The following UNC13C variants were observed in gnomAD, a reference collection of about 807,000 sequenced individuals.
The protein encoded by UNC13C is unc-13 homolog C, also known as protein unc-13 homolog C.
UNC13C carries 174 observed loss-of-function variants against 245.4 expected under a neutral mutation model. The observed-to-expected ratio is 0.71, with a 90% CI of 0.63 to 0.80. UNC13C has a LOEUF of 0.80. UNC13C is among the 30% of genes least tolerant of loss of function. UNC13C has a pLI of 0.00. For synonymous variants in UNC13C, 992 were observed against 895.1 expected (o/e 1.11, Z -1.93); for missense variants, 2,829 against 2,602.9 (o/e 1.09, Z -1.89).
At chr15:54,038,962 T>C (rs1304986369) in intron 2 of UNC13C, among the ~76,000 whole-genome samples, 3 of 152,176 alleles carry the variant, frequency 2.0e-5, no homozygotes, top group Non-Finnish European at 2.9e-5. Context: ...GGTTGTACTA[T>C]CTTGGGCCAG....
intron 2 of UNC13C, among the ~76,000 whole-genome samples, chr15:54,096,054 G>A (rs1899844453): frequency 1.3e-5 from 2 of 152,292 alleles, no homozygotes; most frequent in South Asian, 4.1e-4. Context: ...AGGCAACAAT[G>A]GGGGCAATAC....
chr15:54,373,233 A>G (rs550035720), intron 17 of UNC13C, among the ~76,000 whole-genome samples: 1 of 152,272 alleles, frequency 6.6e-6, no homozygotes, highest in African/African-American at 2.4e-5. Flanking sequence ...AGCCAATATT[A>G]CCAGAAGCAA....
intron 2 of UNC13C, among the ~76,000 whole-genome samples, chr15:54,093,424 G>A (rs1899676595): frequency 1.3e-5 from 2 of 152,136 alleles, no homozygotes; most frequent in Non-Finnish European, 2.9e-5. Flanking sequence ...ATTGTCCTTT[G>A]CTTTTATGTA....
At position 54,015,165 on chromosome 15, in the gene UNC13C, C is replaced by G; in HGVS notation, c.2262C>G (p.Asn754Lys). The change falls in exon 2 of 33, where the codon AAC becomes AAG. Residue 754 changes from asparagine (N) to lysine (K), a missense_variant. Coordinates refer to ENST00000260323, the MANE Select transcript of UNC13C (RefSeq NM_001080534.3). ...ANSNELYQNQ[N>K]QLSMMYRSQS... The stretch of plus-strand genomic sequence containing the variant: ...CTAATGAGCTATACCAAAATCAAAA[C>G]CAGTTGTCCATGATGTATCGAAGTC... 2 of 1,612,514 alleles carry G rather than the reference C, an allele frequency of 1.2e-6. No homozygotes were observed. The highest frequency in any genetic ancestry group is 1.7e-6 in the Non-Finnish European group (2 of 1,179,298).
chr15:54,546,318 G>A (rs1394269927), intron 26 of UNC13C, among the ~76,000 whole-genome samples: 5 of 152,136 alleles, frequency 3.3e-5, no homozygotes, highest in African/African-American at 9.7e-5. Flanking sequence ...AGGGCCTGTC[G>A]CCGGGTGGAG....
intron 2 of UNC13C, among the ~76,000 whole-genome samples, chr15:54,116,154 T>A (rs1460106694): frequency 6.6e-6 from 1 of 152,092 alleles, no homozygotes; most frequent in East Asian, 1.9e-4. Context: ...TGAAACATAA[T>A]AGATGTACAT....
intron 19 of UNC13C, among the ~76,000 whole-genome samples, chr15:54,472,576 A>G (rs1892520473): frequency 6.6e-6 from 1 of 151,752 alleles, no homozygotes; most frequent in Non-Finnish European, 1.5e-5. Context: ...CCAGTGATAA[A>G]CTAGACCCGC....
intron 10 of UNC13C, among the ~76,000 whole-genome samples, chr15:54,273,676 T>C (rs2036752522): frequency 6.6e-6 from 1 of 152,174 alleles, no homozygotes; most frequent in African/African-American, 2.4e-5. Flanking sequence ...TAGTCACTCA[T>C]TTGTGGGTTG....
chr15:54,243,316 A>C (rs1379070159), intron 7 of UNC13C, among the ~76,000 whole-genome samples: 1 of 152,106 alleles, frequency 6.6e-6, no homozygotes, highest in East Asian at 1.9e-4. Flanking sequence ...ACATGATCTA[A>C]TTCCTTTTTT....
chr15:54,372,074 G>A (rs924758732), intron 17 of UNC13C, among the ~76,000 whole-genome samples: 1 of 152,050 alleles, frequency 6.6e-6, no homozygotes, highest in Non-Finnish European at 1.5e-5. Context: ...TTTAAAAATA[G>A]CTAAGAGAGT....
intron 7 of UNC13C, among the ~76,000 whole-genome samples, chr15:54,247,242 T>G (rs1298443795): frequency 2.0e-5 from 3 of 152,064 alleles, no homozygotes; most frequent in African/African-American, 7.2e-5. Context: ...AATTTTGGGG[T>G]TTCCCCTTAT....
intron 19 of UNC13C, among the ~76,000 whole-genome samples, chr15:54,420,422 TTATTATC>T (rs1478089808): frequency 6.6e-6 from 1 of 151,726 alleles, no homozygotes; most frequent in Non-Finnish European, 1.5e-5. Flanking sequence ...GCTGCCATCT[TTATTATC>T]TATACTGTGA....
At chr15:54,431,640 TC>T (rs1184983078) in intron 19 of UNC13C, among the ~76,000 whole-genome samples, 1 of 151,736 alleles carries the variant, frequency 6.6e-6, no homozygotes, top group Non-Finnish European at 1.5e-5. Context: ...GAAGTATTTT[TC>T]AAGACTGTTG....
intron 17 of UNC13C, among the ~76,000 whole-genome samples, chr15:54,381,378 A>T (rs2039720969): frequency 6.6e-6 from 1 of 152,124 alleles, no homozygotes; most frequent in Non-Finnish European, 1.5e-5. Context: ...GAAGTCAGGT[A>T]GTGTGATGCC....
chr15:54,303,386 AATC>A (rs1158541676), intron 13 of UNC13C, among the ~76,000 whole-genome samples: 2 of 152,178 alleles, frequency 1.3e-5, no homozygotes, highest in African/African-American at 4.8e-5. Flanking sequence ...TGCTGGATAG[AATC>A]CCATTAAAAG....
At chr15:54,228,801 G>T (rs562792660) in intron 4 of UNC13C, among the ~76,000 whole-genome samples, 1 of 152,272 alleles carries the variant, frequency 6.6e-6, no homozygotes, top group South Asian at 2.1e-4. Flanking sequence ...TCCCAGACCT[G>T]TGAGCTGTGC....
intron 19 of UNC13C, among the ~76,000 whole-genome samples, chr15:54,448,579 A>T (rs1328827074): frequency 6.6e-5 from 10 of 152,136 alleles, no homozygotes; most frequent in African/African-American, 1.9e-4. Context: ...CTGTTTTATC[A>T]GAGACTAGGA....
At chr15:54,497,693 C>T (rs904088800) in intron 20 of UNC13C, among the ~76,000 whole-genome samples, 7 of 152,094 alleles carry the variant, frequency 4.6e-5, no homozygotes, top group Admixed American at 4.6e-4. Flanking sequence ...CTTACAGTAA[C>T]AGTCTCTCCT....
intron 4 of UNC13C, among the ~76,000 whole-genome samples, chr15:54,219,179 C>G (rs563698423): frequency 6.6e-6 from 1 of 151,064 alleles, no homozygotes; most frequent in South Asian, 2.1e-4. Flanking sequence ...GGAGGCATCA[C>G]GCTACCTGAC....
Sources: allele counts gnomAD v4.1 joint callset (sites outside exome capture counted in the v4.1 genomes callset), GRCh38; gene constraint gnomAD v4.1.1; transcripts MANE v1.5; gene names NCBI Gene and HGNC (gene_info 2026-07-23, HGNC 2026-07-21).